CCDC60: variants seen among roughly 807,000 people sequenced by gnomAD.
The protein encoded by CCDC60 is coiled-coil domain containing 60.
In CCDC60, 54 loss-of-function variants were observed where a neutral mutation model predicts 63.5. The ratio of observed to expected loss-of-function variants is 0.85; its 90% CI spans 0.68 to 1.07. CCDC60 has a LOEUF of 1.07. CCDC60 is among the 50% of genes least tolerant of loss of function. The probability of loss-of-function intolerance (pLI) is 0.00; values close to 1 mark genes in which losing one functional copy is unlikely to be tolerated. For synonymous variants in CCDC60, 206 were observed against 238.8 expected (o/e 0.86, Z 1.27); for missense variants, 651 against 684.3 (o/e 0.95, Z 0.54).
rs529011806 is a variant in CCDC60 at position 119,494,371 on chromosome 12, T to C, written c.557+5505T>C. On this transcript the variant is annotated intron_variant, in intron 5 of 13. Coordinates refer to ENST00000327554, the MANE Select transcript of CCDC60 (RefSeq NM_178499.5). ...AGGTACAGCACACACCTCAAAGGAG[T>C]TGTTCCAACAGGCTCGAGTCCCCAG... 4.0e-5 allele frequency among the ~76,000 whole-genome samples: 6 copies of C among 151,538 alleles called. No individual in the cohort carries two copies. In the East Asian group the frequency reaches 1.2e-3, roughly 30 times the overall value.
chr12:119,351,742 C>G, intron 1 of CCDC60, among the ~76,000 whole-genome samples: 1 of 152,184 alleles, frequency 6.6e-6, no homozygotes, highest in East Asian at 1.9e-4. Flanking sequence ...CCATCTGAGA[C>G]CACCTCAGCC....
At chr12:119,422,881 A>ATTCAATGGCAAGTGAAT (rs1229559364) in intron 1 of CCDC60, among the ~76,000 whole-genome samples, 6 of 152,202 alleles carry the variant, frequency 3.9e-5, no homozygotes, top group Non-Finnish European at 8.8e-5. Context: ...TTCGGCATTC[A>ATTCAATGGCAAGTGAAT]TTCAATGGCA....
chr12:119,376,757 G>T (rs1354693390), intron 1 of CCDC60, among the ~76,000 whole-genome samples: 1 of 152,148 alleles, frequency 6.6e-6, no homozygotes, highest in African/African-American at 2.4e-5. Flanking sequence ...TAAACAGTGT[G>T]CCCCTATATA....
At position 119,505,194 on chromosome 12, in the gene CCDC60, C is replaced by A; in HGVS notation, c.774C>A (p.Asn258Lys). The stretch of plus-strand genomic sequence containing the variant: ...CCCAGAGCAGCATGATCTCTGTGAA[C>A]CCTGGCTCGGATGAGCCCCCAAGTG... ...SSPQSSMISV[N>K]PGSDEPPSVN... The change falls in exon 7 of 14, where the codon AAC (asparagine) becomes AAA (lysine). Residue 258 changes from asparagine (N) to lysine (K), a missense_variant. Physicochemically the swap from Asn to Lys is moderately conservative, Grantham distance 94. Coordinates refer to ENST00000327554, the MANE Select transcript of CCDC60 (RefSeq NM_178499.5). The A allele has an allele frequency of 2.5e-6, 4 of 1,614,114 alleles. No individual in the cohort carries two copies. Among genetic ancestry groups the A allele is most frequent in the Non-Finnish European group, 3.4e-6 (4 of 1,180,020 alleles).
intron 4 of CCDC60, among the ~76,000 whole-genome samples, chr12:119,484,955 T>C (rs1951402431): frequency 1.3e-5 from 2 of 152,108 alleles, no homozygotes; most frequent in Non-Finnish European, 2.9e-5. Flanking sequence ...AGGGAGGACA[T>C]ATTGTAGGGA....
intron 1 of CCDC60, among the ~76,000 whole-genome samples, chr12:119,391,582 G>A (rs897493958): frequency 6.6e-6 from 1 of 152,224 alleles, no homozygotes; most frequent in East Asian, 1.9e-4. Context: ...GGAAAGGGTT[G>A]TTGTGAATGT....
At chr12:119,482,923 A>AG (rs1951358748) in intron 4 of CCDC60, among the ~76,000 whole-genome samples, 1 of 152,164 alleles carries the variant, frequency 6.6e-6, no homozygotes, top group African/African-American at 2.4e-5. Flanking sequence ...CTCAATACCC[A>AG]GCAAGCAAAC....
intron 3 of CCDC60, among the ~76,000 whole-genome samples, chr12:119,477,528 A>G (rs910055738): frequency 5.9e-5 from 9 of 152,336 alleles, no homozygotes; most frequent in Admixed American, 3.9e-4. Flanking sequence ...TGTTTCATAC[A>G]TTGCTGTATT....
At chr12:119,348,549 T>A (rs1955620887) in intron 1 of CCDC60, among the ~76,000 whole-genome samples, 1 of 152,216 alleles carries the variant, frequency 6.6e-6, no homozygotes, top group Non-Finnish European at 1.5e-5. Flanking sequence ...GCCTGCTCTG[T>A]GACCTTACAC....
Position 119,505,228 on chromosome 12 carries a change from C to T in CCDC60, c.808C>T (p.Gln270Ter). The T allele has an allele frequency of 6.2e-7, 1 of 1,613,928 alleles. No homozygotes were observed. The highest frequency in any genetic ancestry group is 2.2e-5 in the East Asian group (1 of 44,874). Residue 270 changes from glutamine (Q) to a stop codon, truncating the protein, a stop_gained, in exon 7 of 14, where the codon CAG (glutamine) becomes TAG (stop). Transcript: ENST00000327554. LOFTEE classifies it high-confidence loss of function. ...GGATGAGCCCCCAAGTGTGAACACCCAGGTGACCAGCAGCAAGGACATTGA... is the reference window on the plus strand; with the variant it reads ...GGATGAGCCCCCAAGTGTGAACACCTAGGTGACCAGCAGCAAGGACATTGA... ...GSDEPPSVNTQVTSSKDIEDN... is the reference protein window; with the variant it reads ...GSDEPPSVNT
chr12:119,339,224 G>A (rs187653177), intron 1 of CCDC60, among the ~76,000 whole-genome samples: 2 of 152,190 alleles, frequency 1.3e-5, no homozygotes, highest in East Asian at 1.9e-4. Context: ...ACGGACCCAC[G>A]ATTTCTGCCT....
chr12:119,380,849 T>C (rs1165979432), intron 1 of CCDC60, among the ~76,000 whole-genome samples: 1 of 152,242 alleles, frequency 6.6e-6, no homozygotes, highest in Non-Finnish European at 1.5e-5. Flanking sequence ...TTGTATTTAC[T>C]TTTATAGTTA....
intron 1 of CCDC60, among the ~76,000 whole-genome samples, chr12:119,393,154 A>T (rs1430838277): frequency 6.6e-6 from 1 of 152,182 alleles, no homozygotes; most frequent in Non-Finnish European, 1.5e-5. Flanking sequence ...ACAGAGCAAG[A>T]TCCTGTCACA....
At chr12:119,381,781 T>C (rs1315606085) in intron 1 of CCDC60, among the ~76,000 whole-genome samples, 3 of 152,196 alleles carry the variant, frequency 2.0e-5, no homozygotes, top group Non-Finnish European at 4.4e-5. Context: ...CTCTTAGATC[T>C]GTGGCCCCAA....
chr12:119,403,171 C>T (rs906141510), intron 1 of CCDC60, among the ~76,000 whole-genome samples: 5 of 152,134 alleles, frequency 3.3e-5, no homozygotes, highest in Admixed American at 6.5e-5. Context: ...CTTCTCTTTC[C>T]CAAGAGCAGC....
chr12:119,515,217 G>C (rs1436924167), intron 7 of CCDC60, among the ~76,000 whole-genome samples: 1 of 152,208 alleles, frequency 6.6e-6, no homozygotes, highest in African/African-American at 2.4e-5. Flanking sequence ...ATCGACTGAG[G>C]TCCTGGTGAT....
At chr12:119,405,474 G>A (rs61938075) in intron 1 of CCDC60, among the ~76,000 whole-genome samples, 12,397 of 152,030 alleles carry the variant, frequency 0.082, 671 homozygotes, top group Non-Finnish European at 0.12. Flanking sequence ...TAACAAAGTC[G>A]GGCTCTGTAT....
At chr12:119,478,838 C>T (rs1052282249) in intron 3 of CCDC60, among the ~76,000 whole-genome samples, 12 of 152,046 alleles carry the variant, frequency 7.9e-5, no homozygotes, top group Non-Finnish European at 1.6e-4. Flanking sequence ...ATCTCCTGAC[C>T]TTGTGATCCA....
intron 2 of CCDC60, among the ~76,000 whole-genome samples, chr12:119,448,793 G>A (rs769846083): frequency 1.3e-5 from 2 of 152,134 alleles, no homozygotes; most frequent in Non-Finnish European, 2.9e-5. Flanking sequence ...AGCTGTGGTG[G>A]GCTTCTGCTG....
Sources: gnomAD v4.1 joint callset for allele counts (sites outside exome capture counted in the v4.1 genomes callset) on GRCh38, gnomAD v4.1.1 for gene constraint, MANE v1.5 for transcripts, NCBI Gene and HGNC (gene_info 2026-07-23, HGNC 2026-07-21) for gene names.